ELOB: variants seen among roughly 807,000 people sequenced by gnomAD.
ELOB encodes elongin-B.
Under a neutral mutation model 12.9 loss-of-function variants are expected in ELOB, and 3 were observed. The ratio of observed to expected loss-of-function variants is 0.23; its 90% CI spans 0.11 to 0.60. ELOB has a LOEUF of 0.60. Among genes scored for constraint, ELOB ranks in the 20% least tolerant of loss-of-function variants. ELOB has a pLI of 0.89. For missense variants in ELOB, 126 were observed against 159.2 expected, an observed-to-expected ratio of 0.79 and a Z score of 1.12; for synonymous variants, 84 against 67.4, an observed-to-expected ratio of 1.25 and a Z score of -1.21.
In ELOB at chr16:2,777,246, T is replaced by C. The variant is rs1301077510; in HGVS notation, c.-7A>G. On this transcript the variant is annotated 5_prime_UTR_variant, in exon 1 of 4. Coordinates refer to ENST00000409906, the MANE Select transcript of ELOB (RefSeq NM_007108.4). Reference sequence around the variant, plus strand: ...CCCCACGCCCGCTCACCATCGCGGCTGCTGCCTCTCCCCTCGACGCGCCGG... The same window carrying C: ...CCCCACGCCCGCTCACCATCGCGGCCGCTGCCTCTCCCCTCGACGCGCCGG... The C allele has an allele frequency of 6.8e-6, 7 of 1,022,704 alleles. No individual in the cohort carries two copies. Among genetic ancestry groups the C allele is most frequent in the Middle Eastern group, 4.7e-4 (1 of 2,132 alleles). The allele number at this position is 1,022,704 out of a possible 1,614,324, so 63.4% of individuals were successfully genotyped here.
rs758661860 is a variant in ELOB at position 2,771,888 on chromosome 16, C to A, written c.*102G>T. The A allele has an allele frequency of 2.8e-5, 41 of 1,486,312 alleles. 1 individual carries two copies. In the Middle Eastern group the frequency reaches 9.9e-4, roughly 36 times the overall value. 92.1% of individuals were successfully genotyped at this position (1,486,312 alleles called of 1,614,324 possible). ...AAGCACAAGCCCCAAAAGGAGCCCA[C>A]AGGGAGTGGGACCCATCCCAGGGAG... On this transcript the variant is annotated 3_prime_UTR_variant, in exon 4 of 4. Coordinates refer to ENST00000409906, the MANE Select transcript of ELOB (RefSeq NM_007108.4).
At position 2,771,739 on chromosome 16, in the gene ELOB, G is replaced by A. The variant is rs2068754766; in HGVS notation, c.*251C>T. ...CTGGCGTGGTTGGTGTGGCTGGCTA[G>A]CTGCTAACAATGGCTTGGGTCTCAG... On this transcript the variant is annotated 3_prime_UTR_variant, in exon 4 of 4. Transcript: ENST00000409906. 2.0e-6 allele frequency: 3 copies of A among 1,526,868 alleles called. No individual in the cohort carries two copies. Among genetic ancestry groups the A allele is most frequent in the Non-Finnish European group, 2.6e-6 (3 of 1,141,196 alleles). The allele number at this position is 1,526,868 out of a possible 1,614,324, so 94.6% of individuals were successfully genotyped here.
At chr16:2,775,121 GCTA>G (rs1394490410) in intron 3 of ELOB, among the ~76,000 whole-genome samples, 1 of 151,556 alleles carries the variant, frequency 6.6e-6, no homozygotes, top group Non-Finnish European at 1.5e-5. Flanking sequence ...ACTTCCCAGG[GCTA>G]CTGAGAGGAT....
intron 3 of ELOB, among the ~76,000 whole-genome samples, chr16:2,772,905 C>G (rs2068774284): frequency 6.6e-6 from 1 of 152,124 alleles, no homozygotes; most frequent in Non-Finnish European, 1.5e-5. Context: ...CTGGTCCCAG[C>G]ACTCGGAATG....
intron 1 of ELOB, 31 bp downstream of exon 1, chr16:2,777,206 G>GC (rs1394547757): frequency 8.3e-6 from 8 of 966,016 alleles, no homozygotes; most frequent in African/African-American, 3.6e-5. Flanking sequence ...CCCCGGCCCG[G>GC]CCCGGCCGCC....
Position 2,771,808 on chromosome 16 carries a change from C to G in ELOB, c.*182G>C. 1.4e-6 allele frequency: 2 copies of G among 1,451,906 alleles called. No homozygotes were observed. Among genetic ancestry groups the G allele is most frequent in the Non-Finnish European group, 9.0e-7 (1 of 1,106,606 alleles). The allele number at this position is 1,451,906 out of a possible 1,614,324, so 89.9% of individuals were successfully genotyped here. On this transcript the variant is annotated 3_prime_UTR_variant, in exon 4 of 4. Transcript: ENST00000409906. The stretch of plus-strand genomic sequence containing the variant: ...GGTGCCTTTAAGCAGCAGGCTGGGC[C>G]AAGTTCTCAGCCAGGGTCTCAGGAT...
chr16:2,775,362 C>G (rs1024745563), intron 3 of ELOB, 89 bp downstream of exon 3: 10 of 886,954 alleles, frequency 1.1e-5, no homozygotes, highest in Non-Finnish European at 1.5e-5. Flanking sequence ...CTGAAGGCTT[C>G]AACTCCAGGC....
intron 3 of ELOB, among the ~76,000 whole-genome samples, 191 bp downstream of exon 3, chr16:2,775,260 T>C (rs942776266): frequency 2.0e-5 from 3 of 151,510 alleles, no homozygotes; most frequent in Non-Finnish European, 3.0e-5. Context: ...GCATCTCATT[T>C]GGTTGCTTCT....
intron 3 of ELOB, among the ~76,000 whole-genome samples, chr16:2,774,363 G>A (rs966436397): frequency 6.6e-6 from 1 of 152,218 alleles, no homozygotes; most frequent in African/African-American, 2.4e-5. Context: ...CCCATCTGTT[G>A]GGCACTGGCA....
chr16:2,774,775 G>C (rs541875400), intron 3 of ELOB, among the ~76,000 whole-genome samples: 6 of 151,388 alleles, frequency 4.0e-5, no homozygotes, highest in Admixed American at 6.6e-5. Flanking sequence ...ATATCTTGGC[G>C]AGTAGTAAAC....
chr16:2,772,131 G>C (rs201713798), intron 3 of ELOB, 29 bp from the exon 4 acceptor site: 84 of 1,559,398 alleles, frequency 5.4e-5, no homozygotes, highest in Non-Finnish European at 7.1e-5. Context: ...AGCTGCAGGG[G>C]GGTATTCCAG....
At chr16:2,775,366 T>A in intron 3 of ELOB, 85 bp downstream of exon 3, 1 of 963,876 alleles carries the variant, frequency 1.0e-6, no homozygotes, top group Non-Finnish European at 1.5e-6. Context: ...AGGCTTCAAC[T>A]CCAGGCTCCC....
In ELOB at chr16:2,777,263, A is replaced by T. The variant is rs1396775752; in HGVS notation, c.-24T>A. 10 of 1,020,380 alleles carry T rather than the reference A, an allele frequency of 9.8e-6. No individual in the cohort carries two copies. In the African/African-American group the frequency reaches 1.4e-4, roughly 15 times the overall value. The allele number at this position is 1,020,380 out of a possible 1,614,324, so 63.2% of individuals were successfully genotyped here. A position where few individuals can be genotyped will look rare whatever the true frequency, so the allele number is the denominator to read the frequency against. ...ATCGCGGCTGCTGCCTCTCCCCTCG[A>T]CGCGCCGGCGCAGCCGCGCTCCGCC... On this transcript the variant is annotated 5_prime_UTR_variant, in exon 1 of 4. Coordinates refer to ENST00000409906, the MANE Select transcript of ELOB (RefSeq NM_007108.4).
chr16:2,777,002 C>A lies in ELOB; in HGVS notation c.129G>T (p.Arg43=). ...GILKRPPDEQ[R]LYKDDQLLDD... ...CGCCCGCGGGACCCACCTTGTACAG[C>A]CGCTGCTCGTCAGGAGGCCGCTTGA... Residue 43 remains arginine, a synonymous_variant, in exon 2 of 4, where the codon CGG becomes CGT. Coordinates refer to ENST00000409906, the MANE Select transcript of ELOB (RefSeq NM_007108.4). 6.3e-7 allele frequency: 1 copy of A among 1,584,268 alleles called. No individual in the cohort carries two copies. Among genetic ancestry groups the A allele is most frequent in the African/African-American group, 1.4e-5 (1 of 73,964 alleles).
chr16:2,774,425 C>T (rs1357976956), intron 3 of ELOB, among the ~76,000 whole-genome samples: 1 of 152,166 alleles, frequency 6.6e-6, no homozygotes, highest in Non-Finnish European at 1.5e-5. Context: ...GCTGTGAAGC[C>T]AGTCTCATCA....
Position 2,774,098 on chromosome 16 carries a change from C to T in ELOB, c.244+1353G>A, listed in dbSNP as rs551339324. On this transcript the variant is annotated intron_variant, in intron 3 of 3. Coordinates refer to ENST00000409906, the MANE Select transcript of ELOB (RefSeq NM_007108.4). ...CACAAAGATTAGCTGGGCGTGGTGG[C>T]ACATGCCTGTAATCCCAGCTCCTCA... Among the ~76,000 whole-genome samples the T allele has an allele frequency of 2.0e-5, 3 of 152,318 alleles. No individual in the cohort carries two copies. The East Asian group carries it at 5.8e-4, about 29-fold the overall frequency.
At chr16:2,774,365 G>A (rs1458251576) in intron 3 of ELOB, among the ~76,000 whole-genome samples, 2 of 152,234 alleles carry the variant, frequency 1.3e-5, no homozygotes, top group African/African-American at 4.8e-5. Flanking sequence ...CATCTGTTGG[G>A]CACTGGCAGC....
Position 2,777,249 on chromosome 16 carries a change from T to A in ELOB, c.-10A>T, listed in dbSNP as rs1296224640. On this transcript the variant is annotated 5_prime_UTR_variant, in exon 1 of 4. Coordinates refer to ENST00000409906, the MANE Select transcript of ELOB (RefSeq NM_007108.4). ...CACGCCCGCTCACCATCGCGGCTGC[T>A]GCCTCTCCCCTCGACGCGCCGGCGC... The A allele has an allele frequency of 9.8e-7, 1 of 1,024,412 alleles. No homozygotes were observed. The highest frequency in any genetic ancestry group is 1.7e-5 in the African/African-American group (1 of 57,200). 63.5% of individuals were successfully genotyped at this position (1,024,412 alleles called of 1,614,324 possible). A position where few individuals can be genotyped will look rare whatever the true frequency, so the allele number is the denominator to read the frequency against.
Position 2,771,608 on chromosome 16 carries a change from T to TG in ELOB, c.*381dup, listed in dbSNP as rs747934062. 1 of 1,611,232 alleles carries TG rather than the reference T, an allele frequency of 6.2e-7. No individual in the cohort carries two copies. The highest frequency in any genetic ancestry group is 1.1e-5 in the South Asian group (1 of 91,046). On this transcript the variant is annotated 3_prime_UTR_variant, in exon 4 of 4. Transcript: ENST00000409906. The stretch of plus-strand genomic sequence containing the variant: ...CGTCTGGGAGTGGACATGCAGGCTA[T>TG]GGGGGTGGGGGGCACTTAGAAGGAG...
Sources: gnomAD v4.1 joint callset for allele counts (sites outside exome capture counted in the v4.1 genomes callset) on GRCh38, gnomAD v4.1.1 for gene constraint, MANE v1.5 for transcripts, NCBI Gene and HGNC (gene_info 2026-07-23, HGNC 2026-07-21) for gene names.